THADA: variants seen among roughly 807,000 people sequenced by gnomAD.
THADA encodes the protein THADA armadillo repeat containing, also known as tRNA (32-2'-O)-methyltransferase regulator THADA.
Under a neutral mutation model 219.8 loss-of-function variants are expected in THADA, and 213 were observed. The observed-to-expected ratio is 0.97, with a 90% CI of 0.87 to 1.09. THADA has a LOEUF of 1.09. Ranked by LOEUF, THADA falls within the 50% of genes least tolerant of loss-of-function variation. THADA has a pLI of 0.00. For synonymous variants in THADA, 1,018 were observed against 828.9 expected (o/e 1.23, Z -3.92); for missense variants, 2,956 against 2,311.3 (o/e 1.28, Z -5.72).
chr2:43,545,558 A>G (rs1451303001), intron 20 of THADA, among the ~76,000 whole-genome samples: 2 of 152,250 alleles, frequency 1.3e-5, no homozygotes, highest in East Asian at 1.9e-4. Context: ...AGAGCCTGCT[A>G]TTGGTCTATT....
intron 36 of THADA, among the ~76,000 whole-genome samples, chr2:43,276,120 A>G (rs1454325587): frequency 1.3e-5 from 2 of 152,132 alleles, no homozygotes; most frequent in Admixed American, 1.3e-4. Flanking sequence ...CCAGCCCACA[A>G]ATTTTTTTTC....
chr2:43,454,067 G>A (rs966255271), intron 26 of THADA, among the ~76,000 whole-genome samples: 3 of 152,060 alleles, frequency 2.0e-5, no homozygotes, highest in Non-Finnish European at 4.4e-5. Flanking sequence ...ACAGGGTCTC[G>A]CTATATTGCC....
intron 16 of THADA, among the ~76,000 whole-genome samples, chr2:43,559,050 C>G (rs1464881791): frequency 1.3e-5 from 2 of 152,122 alleles, no homozygotes; most frequent in African/African-American, 2.4e-5. Flanking sequence ...CCTTCTCCAT[C>G]CAGGTACTCT....
In THADA at chr2:43,252,336, C is replaced by A. The variant is rs145005392; in HGVS notation, c.5297-19454G>T. On this transcript the variant is annotated intron_variant, in intron 36 of 37. Coordinates refer to ENST00000405975, the MANE Select transcript of THADA (RefSeq NM_022065.5). ...CAAGATCTCAAATTCTAAGTTTTAT[C>A]ATCACTTTGAAATGAACATCAGTAT... 2.4e-3 allele frequency among the ~76,000 whole-genome samples: 373 copies of A among 152,326 alleles called. 1 individual carries two copies. Among genetic ancestry groups the A allele is most frequent in the Admixed American group, 4.6e-3 (71 of 15,300 alleles).
chr2:43,335,643 G>A (rs1420403488), intron 30 of THADA, among the ~76,000 whole-genome samples: 1 of 152,096 alleles, frequency 6.6e-6, no homozygotes, highest in Admixed American at 6.6e-5. Flanking sequence ...TACAGGGATA[G>A]TTATTCTATT....
intron 20 of THADA, among the ~76,000 whole-genome samples, chr2:43,545,188 A>G (rs1189296843): frequency 6.6e-6 from 1 of 151,658 alleles, no homozygotes; most frequent in Non-Finnish European, 1.5e-5. Context: ...ATTGATTTGC[A>G]TATATTGAAC....
chr2:43,406,865 A>G (rs1415496737), intron 28 of THADA, among the ~76,000 whole-genome samples: 1 of 152,218 alleles, frequency 6.6e-6, no homozygotes, highest in Non-Finnish European at 1.5e-5. Context: ...GATGAGCTGC[A>G]TGTAAGGCAG....
intron 17 of THADA, 95 bp downstream of exon 17, chr2:43,556,250 A>G: frequency 6.6e-7 from 1 of 1,525,680 alleles, no homozygotes; most frequent in South Asian, 1.3e-5. Context: ...TTAAATAAAA[A>G]ACCACAAAAT....
chr2:43,472,707 T>C (rs376559180), intron 26 of THADA, among the ~76,000 whole-genome samples: 20 of 152,224 alleles, frequency 1.3e-4, no homozygotes, highest in African/African-American at 4.6e-4. Context: ...AATTGCATTG[T>C]AGTGTAAACA....
chr2:43,463,756 T>G (rs1379361965), intron 26 of THADA, among the ~76,000 whole-genome samples: 1 of 152,218 alleles, frequency 6.6e-6, no homozygotes, highest in Non-Finnish European at 1.5e-5. Flanking sequence ...TTTTATTCTT[T>G]TGAATTACTA....
At chr2:43,484,804 T>C (rs1442813766) in intron 26 of THADA, among the ~76,000 whole-genome samples, 2 of 152,032 alleles carry the variant, frequency 1.3e-5, no homozygotes, top group Non-Finnish European at 2.9e-5. Flanking sequence ...AATGCAAAGG[T>C]AATGTGAGAG....
chr2:43,364,633 AC>A (rs1371161328), intron 29 of THADA, among the ~76,000 whole-genome samples: 2 of 152,234 alleles, frequency 1.3e-5, no homozygotes, highest in African/African-American at 4.8e-5. Context: ...TTGGGAGATG[AC>A]AGTTAGTATA....
intron 29 of THADA, among the ~76,000 whole-genome samples, chr2:43,396,754 T>A (rs960879576): frequency 1.3e-5 from 2 of 151,700 alleles, no homozygotes; most frequent in African/African-American, 4.8e-5. Context: ...GAGTTTGCAG[T>A]GAGCCGAGAC....
intron 16 of THADA, among the ~76,000 whole-genome samples, chr2:43,557,435 C>A (rs557254184): frequency 9.2e-5 from 14 of 152,280 alleles, no homozygotes; most frequent in African/African-American, 3.4e-4. Flanking sequence ...CCTTCCTATA[C>A]AGGTAGTTCA....
chr2:43,545,152 T>C (rs1338942076), intron 20 of THADA, among the ~76,000 whole-genome samples: 64 of 152,192 alleles, frequency 4.2e-4, no homozygotes, highest in African/African-American at 1.4e-3. Flanking sequence ...TTGTCTTTCG[T>C]TCTGTTTATA....
At chr2:43,442,157 C>T (rs533745971) in intron 26 of THADA, among the ~76,000 whole-genome samples, 5 of 152,222 alleles carry the variant, frequency 3.3e-5, no homozygotes, top group Admixed American at 2.0e-4. Context: ...AAACCAAGTC[C>T]GGCTGCAGTA....
intron 30 of THADA, among the ~76,000 whole-genome samples, chr2:43,323,939 T>C (rs191890548): frequency 2.0e-5 from 3 of 152,240 alleles, no homozygotes; most frequent in Non-Finnish European, 2.9e-5. Context: ...AGAGAATGCG[T>C]TGATAAGGTG....
intron 29 of THADA, among the ~76,000 whole-genome samples, chr2:43,392,097 G>A (rs1012507494): frequency 2.0e-5 from 3 of 152,074 alleles, no homozygotes; most frequent in Non-Finnish European, 2.9e-5. Flanking sequence ...CAATGGAGAC[G>A]GCCAACATCT....
chr2:43,249,574 C>T (rs559149022), intron 36 of THADA, among the ~76,000 whole-genome samples: 2 of 152,204 alleles, frequency 1.3e-5, no homozygotes, highest in Non-Finnish European at 2.9e-5. Context: ...ACTCTTTCTA[C>T]GTGGCTTCCC....
Sources: gnomAD v4.1 joint callset for allele counts (sites outside exome capture counted in the v4.1 genomes callset) on GRCh38, gnomAD v4.1.1 for gene constraint, MANE v1.5 for transcripts, NCBI Gene and HGNC (gene_info 2026-07-23, HGNC 2026-07-21) for gene names.